Variants in IQGAP2 observed in about 807,000 individuals in gnomAD.
IQGAP2 encodes IQ motif containing GTPase activating protein 2.
IQGAP2 carries 173 observed loss-of-function variants against 201.3 expected under a neutral mutation model. The ratio of observed to expected loss-of-function variants is 0.86; its 90% confidence interval spans 0.76 to 0.98. The LOEUF is 0.98. Among genes scored for constraint, IQGAP2 ranks in the 50% least tolerant of loss-of-function variants. The pLI is 0.00. For synonymous variants in IQGAP2, 675 were observed against 673.9 expected (o/e 1.00, Z -0.03); for missense variants, 1,687 against 1,864.8 (o/e 0.90, Z 1.76).
chr5:76,604,474 A>C (rs1221460294), intron 11 of IQGAP2, among the ~76,000 whole-genome samples: 1 of 152,022 alleles, frequency 6.6e-6, no homozygotes. Context: ...AGAATGATTT[A>C]TAATCATATA....
At chr5:76,404,937 G>A (rs534310977) in intron 1 of IQGAP2, among the ~76,000 whole-genome samples, 2 of 148,738 alleles carry the variant, frequency 1.3e-5, no homozygotes, top group South Asian at 2.1e-4. Context: ...AGCAGAGCCC[G>A]TTGGGTTCAA....
At chr5:76,620,907 C>T (rs549786126) in intron 13 of IQGAP2, among the ~76,000 whole-genome samples, 2 of 152,144 alleles carry the variant, frequency 1.3e-5, no homozygotes, top group South Asian at 2.1e-4. Context: ...CTAATTCCTG[C>T]AATTTCAAAA....
intron 15 of IQGAP2, 74 bp from the exon 16 acceptor site, chr5:76,636,960 C>A: frequency 1.7e-6 from 2 of 1,188,310 alleles, no homozygotes; most frequent in Non-Finnish European, 2.3e-6. Context: ...AATTATTTTA[C>A]ATATTAAAGA....
At chr5:76,460,727 G>A (rs752525476) in intron 1 of IQGAP2, among the ~76,000 whole-genome samples, 17 of 152,072 alleles carry the variant, frequency 1.1e-4, no homozygotes, top group Non-Finnish European at 1.8e-4. Context: ...GTTGACACCC[G>A]TTGGTATCAA....
intron 2 of IQGAP2, among the ~76,000 whole-genome samples, chr5:76,537,094 A>G (rs1224862205): frequency 1.3e-5 from 2 of 152,256 alleles, no homozygotes; most frequent in African/African-American, 4.8e-5. Context: ...CTTTTAAAAC[A>G]CAGTTTACGT....
In IQGAP2 at chr5:76,611,128, C is replaced by T. The variant is rs770463209; in HGVS notation, c.1466C>T (p.Ala489Val). 6.2e-7 allele frequency: 1 copy of T among 1,613,808 alleles called. No homozygotes were observed. Among genetic ancestry groups the T allele is most frequent in the Non-Finnish European group, 8.5e-7 (1 of 1,179,778 alleles). The part of the protein sequence containing the change: ...PTANISDVDP[A>V]HAQHYQDVLY... ...GCGAATATTAGTGATGTGGACCCAG[C>T]CCATGCCCAGCACTACCAGGATGTT... is the stretch of plus-strand genomic sequence containing the variant. Residue 489 changes from alanine to valine, a missense_variant, in exon 13 of 36, where the codon GCC (alanine) becomes GTC (valine). Coordinates refer to ENST00000274364, the MANE Select transcript of IQGAP2 (RefSeq NM_006633.5).
At chr5:76,661,498 A>T (rs1221557283) in intron 21 of IQGAP2, among the ~76,000 whole-genome samples, 2 of 152,304 alleles carry the variant, frequency 1.3e-5, no homozygotes, top group East Asian at 3.9e-4. Context: ...CTAGGAGCCC[A>T]GATTTGCAGG....
intron 1 of IQGAP2, among the ~76,000 whole-genome samples, chr5:76,443,299 T>C (rs547043457): frequency 2.0e-5 from 3 of 152,106 alleles, no homozygotes; most frequent in Admixed American, 2.0e-4. Flanking sequence ...AAAGTTATGG[T>C]AGATTTACAA....
intron 28 of IQGAP2, among the ~76,000 whole-genome samples, chr5:76,679,354 A>G (rs916675625): frequency 1.3e-5 from 2 of 152,224 alleles, no homozygotes; most frequent in Non-Finnish European, 2.9e-5. Context: ...CTTGTGACTG[A>G]TTTGGAATTC....
At chr5:76,494,342 C>T (rs184823950) in intron 2 of IQGAP2, among the ~76,000 whole-genome samples, 2 of 152,224 alleles carry the variant, frequency 1.3e-5, no homozygotes, top group East Asian at 1.9e-4. Flanking sequence ...ATATTAGAAA[C>T]GATTTGTAAT....
chr5:76,612,880 A>AT (rs1030090028), intron 13 of IQGAP2, among the ~76,000 whole-genome samples: 2 of 152,082 alleles, frequency 1.3e-5, no homozygotes, highest in African/African-American at 4.8e-5. Context: ...TACTGCTTGG[A>AT]TTTTTAAATT....
intron 2 of IQGAP2, among the ~76,000 whole-genome samples, chr5:76,525,391 C>A (rs1305217084): frequency 6.6e-6 from 1 of 152,066 alleles, no homozygotes; most frequent in African/African-American, 2.4e-5. Flanking sequence ...AAATCTGGAG[C>A]CATGCAAATT....
chr5:76,695,708 A>G, intron 32 of IQGAP2, 42 bp downstream of exon 32: 6 of 1,507,466 alleles, frequency 4.0e-6, no homozygotes, highest in African/African-American at 1.4e-5. Context: ...CTTAGCAGAC[A>G]TTTGCTAATC....
chr5:76,407,717 T>G (rs1288730650), intron 1 of IQGAP2, among the ~76,000 whole-genome samples: 1 of 152,248 alleles, frequency 6.6e-6, no homozygotes, highest in Non-Finnish European at 1.5e-5. Flanking sequence ...TTTAAGCTTG[T>G]AATACCGAGT....
intron 27 of IQGAP2, among the ~76,000 whole-genome samples, chr5:76,675,163 G>A (rs575280347): frequency 6.6e-6 from 1 of 152,018 alleles, no homozygotes; most frequent in Admixed American, 6.5e-5. Context: ...GAACTGCTCG[G>A]GTCTATTTAT....
Position 76,665,053 on chromosome 5 carries a change from A to T in IQGAP2, c.2557A>T (p.Asn853Tyr). The change falls in exon 22 of 36, where the codon AAC becomes TAC. Residue 853 changes from asparagine (N) to tyrosine (Y), a missense_variant. By Grantham distance (143) the Asn-to-Tyr change is moderately radical. Transcript: ENST00000274364. ...TGTAATTTCACATAGTAAAAAGCTG[A>T]ACAAGAAAAAAGGAGGAGAAATGGA... ...EDVISHSKKL[N>Y]KKKGGEMEIL... The T allele has an allele frequency of 6.3e-7, 1 of 1,587,260 alleles. No individual in the cohort carries two copies. The highest frequency in any genetic ancestry group is 8.6e-7 in the Non-Finnish European group (1 of 1,156,114).
intron 2 of IQGAP2, among the ~76,000 whole-genome samples, chr5:76,495,769 G>T (rs1756857962): frequency 6.6e-6 from 1 of 152,126 alleles, no homozygotes; most frequent in Admixed American, 6.6e-5. Flanking sequence ...GAGAGAGAAG[G>T]GGGAGGTCCC....
chr5:76,519,254 A>G (rs1018496415), intron 2 of IQGAP2, among the ~76,000 whole-genome samples: 7 of 152,202 alleles, frequency 4.6e-5, no homozygotes, highest in African/African-American at 1.7e-4. Flanking sequence ...ACCCTTGGCA[A>G]CTACTGATCT....
At chr5:76,537,981 AG>A (rs1183410284) in intron 2 of IQGAP2, among the ~76,000 whole-genome samples, 1 of 152,228 alleles carries the variant, frequency 6.6e-6, no homozygotes, top group Non-Finnish European at 1.5e-5. Flanking sequence ...ATTTGAGTGT[AG>A]AGGAGGGGTG....
Sources: gnomAD v4.1 joint callset for allele counts (sites outside exome capture counted in the v4.1 genomes callset) on GRCh38, gnomAD v4.1.1 for gene constraint, MANE v1.5 for transcripts, NCBI Gene and HGNC (gene_info 2026-07-23, HGNC 2026-07-21) for gene names.